Variants in ASTN2 observed in about 807,000 individuals in gnomAD.
ASTN2 encodes the protein astrotactin-2.
In ASTN2, 54 loss-of-function variants were observed where a neutral mutation model predicts 139.8. The observed-to-expected ratio is 0.39, with a 90% CI of 0.31 to 0.48. The LOEUF is 0.48. Ranked by LOEUF, ASTN2 falls within the 20% of genes least tolerant of loss-of-function variation. The pLI, the probability that ASTN2 is intolerant of heterozygous loss-of-function variation, is 0.95. For synonymous variants in ASTN2, 756 were observed against 719.5 expected, an observed-to-expected ratio of 1.05 and a Z score of -0.81; for missense variants, 1,565 against 1,725.1, an observed-to-expected ratio of 0.91 and a Z score of 1.64.
chr9:116,471,440 C>T (rs755575856), intron 20 of ASTN2, among the ~76,000 whole-genome samples: 5 of 152,198 alleles, frequency 3.3e-5, no homozygotes, highest in Non-Finnish European at 5.9e-5. Context: ...GCCTCTCCCT[C>T]CCCTTCAGGC....
At chr9:116,678,261 G>A (rs543637055) in intron 16 of ASTN2, among the ~76,000 whole-genome samples, 108 of 152,216 alleles carry the variant, frequency 7.1e-4, no homozygotes, top group South Asian at 3.5e-3. Flanking sequence ...TAAGGCCTGG[G>A]GACAAATGGA....
chr9:116,758,652 T>C (rs1301340190), intron 13 of ASTN2, among the ~76,000 whole-genome samples: 1 of 152,168 alleles, frequency 6.6e-6, no homozygotes, highest in Non-Finnish European at 1.5e-5. Flanking sequence ...GGGATGTGTC[T>C]CCTTTTTTCA....
chr9:116,603,855 G>A (rs1166072891), intron 19 of ASTN2, among the ~76,000 whole-genome samples: 3 of 152,192 alleles, frequency 2.0e-5, no homozygotes, highest in African/African-American at 7.2e-5. Context: ...TGGTGACAGG[G>A]AGGGAGAAAG....
At chr9:116,581,491 A>G (rs147292325) in intron 19 of ASTN2, among the ~76,000 whole-genome samples, 1 of 152,196 alleles carries the variant, frequency 6.6e-6, no homozygotes, top group East Asian at 1.9e-4. Flanking sequence ...GGCTTTATCA[A>G]GATAATATAT....
intron 1 of ASTN2, among the ~76,000 whole-genome samples, chr9:117,356,983 G>T (rs1829557014): frequency 6.6e-6 from 1 of 152,086 alleles, no homozygotes; most frequent in Non-Finnish European, 1.5e-5. Context: ...AGAATCACTT[G>T]AACCCGGGAA....
At chr9:117,101,508 G>T (rs182351068) in intron 4 of ASTN2, among the ~76,000 whole-genome samples, 67 of 152,202 alleles carry the variant, frequency 4.4e-4, no homozygotes, top group African/African-American at 1.5e-3. Flanking sequence ...TTGGGCCCTT[G>T]GTTCTTCTGG....
At chr9:116,449,505 G>A (rs144205447) in intron 20 of ASTN2, among the ~76,000 whole-genome samples, 6 of 152,294 alleles carry the variant, frequency 3.9e-5, no homozygotes, top group African/African-American at 1.2e-4. Flanking sequence ...CTTGACACAT[G>A]GTAAGTGGTA....
intron 2 of ASTN2, among the ~76,000 whole-genome samples, chr9:117,285,944 AT>A (rs2130774913): frequency 6.6e-6 from 1 of 152,226 alleles, no homozygotes; most frequent in East Asian, 1.9e-4. Context: ...TTCTCAAAAC[AT>A]TTTGTCACCA....
intron 3 of ASTN2, among the ~76,000 whole-genome samples, chr9:117,212,751 CAGTT>C (rs1463235587): frequency 6.6e-6 from 1 of 152,158 alleles, no homozygotes; most frequent in Non-Finnish European, 1.5e-5. Flanking sequence ...AATCTCATCT[CAGTT>C]AGAATGGCTA....
intron 10 of ASTN2, among the ~76,000 whole-genome samples, chr9:116,901,228 A>C (rs540373641): frequency 2.6e-5 from 4 of 152,164 alleles, no homozygotes; most frequent in Non-Finnish European, 5.9e-5. Flanking sequence ...GTGGTCCTTT[A>C]AAATTATTTT....
chr9:116,720,048 T>C (rs1434569098), intron 16 of ASTN2, among the ~76,000 whole-genome samples: 3 of 152,136 alleles, frequency 2.0e-5, no homozygotes, highest in Non-Finnish European at 2.9e-5. Context: ...CTCTGGAGAA[T>C]TATCCAGCTC....
intron 19 of ASTN2, among the ~76,000 whole-genome samples, chr9:116,550,413 A>T (rs1250741152): frequency 6.6e-6 from 1 of 152,200 alleles, no homozygotes; most frequent in Admixed American, 6.5e-5. Flanking sequence ...GCCAGCTTTA[A>T]AAAACAGTTA....
intron 3 of ASTN2, among the ~76,000 whole-genome samples, chr9:117,196,059 C>T (rs762655473): frequency 6.6e-6 from 1 of 152,160 alleles, no homozygotes; most frequent in African/African-American, 2.4e-5. Flanking sequence ...CCAAGGATTA[C>T]GAACCTCAGT....
Position 117,207,711 on chromosome 9 carries a change from G to A in ASTN2, c.1015+6647C>T, listed in dbSNP as rs367923992. Among the ~76,000 whole-genome samples, 8 of 152,074 alleles carry A rather than the reference G, an allele frequency of 5.3e-5. No individual in the cohort carries two copies. In the East Asian group the frequency reaches 9.7e-4, roughly 18 times the overall value. ...GCCCCCAGGCCAGCTGAGATACCAC[G>A]TGCCCTTGCTCCTGGCCAGAGGAAC... On this transcript the variant is annotated intron_variant, in intron 3 of 22. Transcript: ENST00000313400.
chr9:116,606,769 A>G (rs894544457), intron 19 of ASTN2, among the ~76,000 whole-genome samples: 1 of 152,182 alleles, frequency 6.6e-6, no homozygotes, highest in Non-Finnish European at 1.5e-5. Context: ...TGCTGGAATT[A>G]ACCCTTAAAA....
intron 19 of ASTN2, among the ~76,000 whole-genome samples, chr9:116,560,799 TAGGTGCAC>T (rs1428818019): frequency 6.6e-6 from 1 of 152,152 alleles, no homozygotes; most frequent in Non-Finnish European, 1.5e-5. Flanking sequence ...AACATTATGT[TAGGTGCAC>T]AGAATTTAAG....
At chr9:116,580,014 A>G (rs12342512) in intron 19 of ASTN2, among the ~76,000 whole-genome samples, 28,854 of 151,936 alleles carry the variant, frequency 0.19, 3,386 homozygotes, top group African/African-American at 0.33. Flanking sequence ...TAGAGACGGG[A>G]TTTCACCATG....
rs776504480 is a variant in ASTN2, at chr9:116,699,512, C to A, written c.2806+26259G>T. ...GTGTGGATGCTCGTGGTGATCTCAT[C>A]GTGGCTGACAGTAGTCGCAAGGAAA... is the stretch of plus-strand genomic sequence containing the variant. On this transcript the variant is annotated intron_variant, in intron 16 of 22. Transcript: ENST00000313400. The surrounding 1 kb of genome is among the most constrained non-coding windows in gnomAD (Gnocchi z 4.2). 1 of 1,614,044 alleles carries A rather than the reference C, an allele frequency of 6.2e-7. No homozygotes were observed. The highest frequency in any genetic ancestry group is 8.5e-7 in the Non-Finnish European group (1 of 1,180,048).
In ASTN2 at chr9:116,487,372, C is replaced by G. The variant is rs1237046717; in HGVS notation, c.3484G>C (p.Asp1162His). ...AACACATCTTACTTGTAGAGACCGT[C>G]GGGCTCCAGACACTTGAAGATGACT... Reference protein sequence around the residue: ...YSVIFKCLEPDGLYKFTLYAV... With the variant: ...YSVIFKCLEPHGLYKFTLYAV... The change falls in exon 20 of 23, where the codon GAC (aspartate) becomes CAC (histidine). Residue 1162 changes from aspartate to histidine, a missense_variant. Around this residue, in one of 4 missense-constraint regions of ASTN2, gnomAD observed 418 missense variants for 465.8 expected, o/e 0.90. Coordinates refer to ENST00000313400, the MANE Select transcript of ASTN2 (RefSeq NM_001365068.1). The G allele has an allele frequency of 6.2e-7, 1 of 1,613,956 alleles. No homozygotes were observed. Among genetic ancestry groups the G allele is most frequent in the Non-Finnish European group, 8.5e-7 (1 of 1,179,898 alleles).
Sources: allele counts gnomAD v4.1 joint callset (sites outside exome capture counted in the v4.1 genomes callset), GRCh38; gene constraint gnomAD v4.1.1; regional missense constraint gnomAD v4.1.1; non-coding constraint Gnocchi (gnomAD v3.1); transcripts MANE v1.5; gene names NCBI Gene and HGNC (gene_info 2026-07-23, HGNC 2026-07-21).